Variants in DLG5 observed in about 807,000 individuals in gnomAD.
DLG5 encodes the protein disks large homolog 5.
DLG5 carries 48 observed loss-of-function variants against 189.8 expected under a neutral mutation model. The ratio of observed to expected loss-of-function variants is 0.25; its 90% CI spans 0.20 to 0.32. The LOEUF is 0.32. Among genes scored for constraint, DLG5 ranks in the 10% least tolerant of loss-of-function variants. The pLI is 1.00. For synonymous variants in DLG5, 1,016 were observed against 1,054.1 expected (o/e 0.96, Z 0.70); for missense variants, 2,160 against 2,544.7 (o/e 0.85, Z 3.25).
chr10:77,842,166 G>T lies in DLG5; in HGVS notation c.1152C>A (p.Asn384Lys), dbSNP rs1843451928. 4 of 1,605,836 alleles carry T rather than the reference G, an allele frequency of 2.5e-6. No individual in the cohort carries two copies. Among genetic ancestry groups the T allele is most frequent in the Non-Finnish European group, 3.4e-6 (4 of 1,179,988 alleles). Residue 384 changes from asparagine to lysine, a missense_variant, in exon 7 of 32, where the codon AAC becomes AAA. By Grantham distance (94) the Asn-to-Lys change is moderately conservative. Transcript: ENST00000372391. Reference protein sequence around the residue: ...RRFEAIHHELNKATAQNKDLQ... With the variant: ...RRFEAIHHELKKATAQNKDLQ... ...GGTCCTTGTTCTGCGCCGTGGCCTT[G>T]TTCAGCTCATGGTGGATCGCCTCAA...
intron 18 of DLG5, 21 bp downstream of exon 18, chr10:77,817,756 A>T (rs1280340680): frequency 1.2e-5 from 19 of 1,544,964 alleles, no homozygotes; most frequent in Non-Finnish European, 1.7e-5. Flanking sequence ...CTGCAGCACA[A>T]AGTCCAAGTG....
intron 7 of DLG5, among the ~76,000 whole-genome samples, chr10:77,837,298 T>C (rs140057881): frequency 3.9e-5 from 6 of 152,146 alleles, no homozygotes; most frequent in Admixed American, 1.3e-4. Flanking sequence ...ATTTACATTA[T>C]ATTTGCTGTT....
intron 6 of DLG5, among the ~76,000 whole-genome samples, chr10:77,842,839 C>G (rs770623651): frequency 1.4e-4 from 22 of 152,234 alleles, no homozygotes; most frequent in Non-Finnish European, 2.8e-4. Context: ...CAACACCACG[C>G]TGAAGGCTCT....
At chr10:77,903,204 G>C (rs1353275052) in intron 1 of DLG5, among the ~76,000 whole-genome samples, 1 of 152,172 alleles carries the variant, frequency 6.6e-6, no homozygotes, top group Non-Finnish European at 1.5e-5. Flanking sequence ...GAGGCAGGCG[G>C]ATTGCTTGAG....
chr10:77,842,227 G>A (rs557699724), intron 6 of DLG5, 34 bp from the exon 7 acceptor site: 40 of 1,582,930 alleles, frequency 2.5e-5, no homozygotes, highest in East Asian at 4.5e-5. Context: ...TGGGAAGGGC[G>A]GGGGCCCTGC....
chr10:77,882,984 C>T (rs1845328566), intron 1 of DLG5, among the ~76,000 whole-genome samples: 1 of 151,988 alleles, frequency 6.6e-6, no homozygotes, highest in Non-Finnish European at 1.5e-5. Flanking sequence ...TCCAAAATCT[C>T]TGGGCCCTCA....
chr10:77,799,014 C>G (rs769103452), intron 27 of DLG5, among the ~76,000 whole-genome samples: 1 of 152,190 alleles, frequency 6.6e-6, no homozygotes, highest in Non-Finnish European at 1.5e-5. Context: ...ACCATATTCT[C>G]CCTTAATGAT....
At chr10:77,889,600 G>C (rs1393402617) in intron 1 of DLG5, 1 of 152,234 alleles carries the variant, frequency 6.6e-6, no homozygotes, top group Non-Finnish European at 1.5e-5. Context: ...AGGCGGTGTC[G>C]AGTTACTGAG....
At chr10:77,851,168 T>TC (rs1052547650) in intron 5 of DLG5, among the ~76,000 whole-genome samples, 12 of 152,132 alleles carry the variant, frequency 7.9e-5, no homozygotes, top group African/African-American at 2.7e-4. Context: ...AGCTTTGTTT[T>TC]GACACAGCAC....
intron 5 of DLG5, among the ~76,000 whole-genome samples, chr10:77,850,178 A>G (rs1843897298): frequency 6.6e-6 from 1 of 152,198 alleles, no homozygotes. Context: ...TATCACCCCA[A>G]AAAGAAACCA....
chr10:77,796,376 A>G lies in DLG5; in HGVS notation c.5308+75T>C. 1 of 1,610,440 alleles carries G rather than the reference A, an allele frequency of 6.2e-7. No homozygotes were observed. The highest frequency in any genetic ancestry group is 2.2e-5 in the East Asian group (1 of 44,848). ...CCCGGTACTGCCACCCACTGTGCAC[A>G]GCTGGGCAGGCAGGTGGACAGGGAC... On this transcript the variant is annotated intron_variant, in intron 28 of 31. Transcript: ENST00000372391. This position sits in a 1 kb window ranked among gnomAD's most constrained non-coding sequence, Gnocchi z 5.2.
At chr10:77,854,472 T>C in intron 3 of DLG5, 102 bp from the exon 4 acceptor site, 6 of 1,457,824 alleles carry the variant, frequency 4.1e-6, no homozygotes, top group Non-Finnish European at 5.6e-6. Flanking sequence ...TCCCCAGTAC[T>C]GGTCTTCTAT....
chr10:77,901,768 C>A (rs1225343261), intron 1 of DLG5, among the ~76,000 whole-genome samples: 1 of 152,184 alleles, frequency 6.6e-6, no homozygotes, highest in African/African-American at 2.4e-5. Context: ...GCCAACAGCA[C>A]CCGGCTCCAA....
chr10:77,825,012 T>C (rs934432956), intron 13 of DLG5, among the ~76,000 whole-genome samples: 18 of 152,140 alleles, frequency 1.2e-4, no homozygotes, highest in Non-Finnish European at 1.9e-4. Context: ...AAGAAGTATA[T>C]GTGCAACCGG....
At chr10:77,795,845 G>A (rs906242221) in intron 29 of DLG5, among the ~76,000 whole-genome samples, 15 of 152,156 alleles carry the variant, frequency 9.9e-5, no homozygotes, top group African/African-American at 3.6e-4. Context: ...CACATACACA[G>A]GGGAACTCCT....
At chr10:77,876,447 T>G (rs1173490432) in intron 1 of DLG5, among the ~76,000 whole-genome samples, 1 of 150,398 alleles carries the variant, frequency 6.6e-6, no homozygotes, top group African/African-American at 2.5e-5. Flanking sequence ...CAATCTTAGC[T>G]CACTGTAACC....
chr10:77,923,830 G>A (rs961889812), intron 1 of DLG5, among the ~76,000 whole-genome samples: 1 of 152,084 alleles, frequency 6.6e-6, no homozygotes, highest in African/African-American at 2.4e-5. Flanking sequence ...GGGGCTTCAG[G>A]TGGCATCTTG....
At position 77,811,219 on chromosome 10, in the gene DLG5, A is replaced by G. The variant is rs1182807266; in HGVS notation, c.4338T>C (p.Pro1446=). The G allele has an allele frequency of 6.2e-7, 1 of 1,613,038 alleles. No homozygotes were observed. The change falls in exon 23 of 32, where the codon CCT becomes CCC. Residue 1446 remains proline (P), a synonymous_variant. Transcript: ENST00000372391. ...SHSRSSSHLD[P]AGTHSTLQGS... The stretch of plus-strand genomic sequence containing the variant: ...CCTGGAGAGTGGAGTGGGTACCGGC[A>G]GGGTCCAGGTGTGAGCTGGAGGCGG...
intron 14 of DLG5, among the ~76,000 whole-genome samples, chr10:77,823,544 T>C (rs1456001878): frequency 2.0e-5 from 3 of 151,816 alleles, no homozygotes; most frequent in African/African-American, 7.2e-5. Context: ...TTTTTTTTTT[T>C]TTTGAGACAG....
Sources: allele counts gnomAD v4.1 joint callset (sites outside exome capture counted in the v4.1 genomes callset), GRCh38; gene constraint gnomAD v4.1.1; non-coding constraint Gnocchi (gnomAD v3.1); transcripts MANE v1.5; gene names NCBI Gene and HGNC (gene_info 2026-07-23, HGNC 2026-07-21).